The following VSX2 variants were observed in gnomAD, a reference collection of about 807,000 sequenced individuals.
VSX2 encodes the protein visual system homeobox 2.
A neutral mutation model predicts 32.1 loss-of-function variants in VSX2; 28 were observed. That is an observed-to-expected ratio of 0.87 (90% CI 0.65 to 1.20). VSX2 has a LOEUF of 1.20. VSX2 is among the 50% of genes most tolerant of loss of function. VSX2 has a pLI of 0.00. For missense variants in VSX2, 506 were observed against 488.7 expected, an observed-to-expected ratio of 1.04 and a Z score of -0.33; for synonymous variants, 243 against 214.1, an observed-to-expected ratio of 1.14 and a Z score of -1.18.
At chr14:74,248,368 C>CAAAAAT (rs2079208113) in intron 3 of VSX2, among the ~76,000 whole-genome samples, 1 of 102,998 alleles carries the variant, frequency 9.7e-6, no homozygotes, top group African/African-American at 3.3e-5. Context: ...AAACCAAAAA[C>CAAAAAT]GAGACCCTGT....
Position 74,260,644 on chromosome 14 carries a change from G to T in VSX2, c.811G>T (p.Glu271Ter), listed in dbSNP as rs775056066. 6.2e-7 allele frequency: 1 copy of T among 1,606,010 alleles called. No homozygotes were observed. The highest frequency in any genetic ancestry group is 8.5e-7 in the Non-Finnish European group (1 of 1,176,912). The change falls in exon 5 of 5, where the codon GAG (glutamate) becomes TAG (stop). Residue 271 changes from glutamate (E) to a stop codon, truncating the protein, a stop_gained. Transcript: ENST00000261980. LOFTEE classifies it high-confidence loss of function. ...EAAAESGRKP[E>*]GERQALPKLD... is the part of the protein sequence containing the mutation. Reference sequence around the variant, plus strand: ...AGCAGCCGAGTCGGGGAGGAAGCCCGAGGGGGAACGCCAGGCCCTGCCCAA... The same window carrying T: ...AGCAGCCGAGTCGGGGAGGAAGCCCTAGGGGGAACGCCAGGCCCTGCCCAA...
At chr14:74,257,696 G>T (rs1315951645) in intron 3 of VSX2, among the ~76,000 whole-genome samples, 1 of 146,518 alleles carries the variant, frequency 6.8e-6, no homozygotes, top group Non-Finnish European at 1.5e-5. Context: ...GGAACCGCAG[G>T]AGCGCGCGGA....
chr14:74,245,982 G>A (rs571614974), intron 3 of VSX2, among the ~76,000 whole-genome samples: 21 of 152,246 alleles, frequency 1.4e-4, no homozygotes, highest in Non-Finnish European at 3.1e-4. Flanking sequence ...CATGTGGTAG[G>A]CATGGGGCCT....
At chr14:74,248,334 T>TAAA (rs781035795) in intron 3 of VSX2, among the ~76,000 whole-genome samples, 2,017 of 84,414 alleles carry the variant, frequency 0.024, 54 homozygotes, top group East Asian at 0.12. Context: ...GAGACCAGGC[T>TAAA]AAAAAAAAAA....
chr14:74,248,143 C>T (rs1248744730), intron 3 of VSX2, among the ~76,000 whole-genome samples: 1 of 151,962 alleles, frequency 6.6e-6, no homozygotes, highest in Non-Finnish European at 1.5e-5. Context: ...CACTCCTGAG[C>T]CAGCCCCCTC....
chr14:74,251,726 C>T (rs1223451439), intron 3 of VSX2, among the ~76,000 whole-genome samples: 1 of 152,140 alleles, frequency 6.6e-6, no homozygotes, highest in Non-Finnish European at 1.5e-5. Flanking sequence ...TAGTGGGTAA[C>T]AGAGGCTGCA....
intron 3 of VSX2, among the ~76,000 whole-genome samples, chr14:74,246,813 C>A (rs1222421908): frequency 6.6e-6 from 1 of 152,056 alleles, no homozygotes; most frequent in African/African-American, 2.4e-5. Flanking sequence ...GTCCTGAAAT[C>A]TGCTTGGTAG....
chr14:74,247,225 T>C (rs2079198374), intron 3 of VSX2, among the ~76,000 whole-genome samples: 2 of 152,174 alleles, frequency 1.3e-5, no homozygotes, highest in African/African-American at 4.8e-5. Flanking sequence ...TGTGCATCAA[T>C]AGCAGTCACA....
In VSX2 at chr14:74,239,776, G is replaced by T; in HGVS notation, c.215G>T (p.Gly72Val). ...LAARSVLSPA[G>V]VGGMGLLGPG... ...GCGCGCTCAGTGCTCAGCCCCGCGG[G>T]GGTGGGCGGCATGGGGCTTCTGGGG... The change falls in exon 1 of 5, where the codon GGG becomes GTG. Residue 72 changes from glycine (G) to valine (V), a missense_variant. By Grantham distance (109) the Gly-to-Val change is moderately radical. Transcript: ENST00000261980. The T allele has an allele frequency of 1.3e-6, 2 of 1,557,488 alleles. No individual in the cohort carries two copies. The highest frequency in any genetic ancestry group is 1.7e-6 in the Non-Finnish European group (2 of 1,151,668).
chr14:74,252,389 T>C (rs1473670418), intron 3 of VSX2, among the ~76,000 whole-genome samples: 5 of 148,074 alleles, frequency 3.4e-5, no homozygotes, highest in Admixed American at 6.6e-5. Context: ...GGCTTTCTTT[T>C]CTTTCTTTTT....
Position 74,239,488 on chromosome 14 carries a change from C to CGAA in VSX2, c.-72_-70dup. The stretch of plus-strand genomic sequence containing the variant: ...GAGGGGGCACCTGGGACCAACTTCG[C>CGAA]GAAGCGGGAAGCCCGGCGGGGGGGT... On this transcript the variant is annotated 5_prime_UTR_variant, in exon 1 of 5. Transcript: ENST00000261980. 6.5e-7 allele frequency: 1 copy of CGAA among 1,546,216 alleles called. No individual in the cohort carries two copies. The highest frequency in any genetic ancestry group is 2.4e-5 in the East Asian group (1 of 40,896).
At chr14:74,242,343 A>G (rs2079155706) in intron 2 of VSX2, among the ~76,000 whole-genome samples, 1 of 151,900 alleles carries the variant, frequency 6.6e-6, no homozygotes, top group Non-Finnish European at 1.5e-5. Flanking sequence ...CTCCCACCCT[A>G]ATTTGTTTTC....
rs192712847 is a variant in VSX2, at chr14:74,259,772, G to A, written c.750G>A (p.Pro250=). 484 of 1,611,842 alleles carry A rather than the reference G, an allele frequency of 3.0e-4. 2 individuals carry two copies. The East Asian group carries it at 9.6e-3, about 32-fold the overall frequency. The part of the protein sequence containing the change: ...AKDGIMDSCA[P]WLLGMHKKSL... ...ATGGCATCATGGACTCCTGTGCCCC[G>A]TGGCTACTGGGTAAGAGCCCGCACC... Residue 250 remains proline (P), a synonymous_variant, in exon 4 of 5, where the codon CCG becomes CCA. Coordinates refer to ENST00000261980, the MANE Select transcript of VSX2 (RefSeq NM_182894.3).
At chr14:74,241,495 TCTC>T (rs530534842) in intron 2 of VSX2, among the ~76,000 whole-genome samples, 163 of 152,284 alleles carry the variant, frequency 1.1e-3, no homozygotes, top group African/African-American at 3.7e-3. Context: ...GTTCGGGCTT[TCTC>T]CTCCTTGTTC....
At chr14:74,260,357 G>T (rs2079296574) in intron 4 of VSX2, among the ~76,000 whole-genome samples, 1 of 152,212 alleles carries the variant, frequency 6.6e-6, no homozygotes. Flanking sequence ...GGACAGAACA[G>T]GCCACCCGAG....
At chr14:74,258,207 C>T (rs540292147) in intron 3 of VSX2, among the ~76,000 whole-genome samples, 13 of 152,336 alleles carry the variant, frequency 8.5e-5, no homozygotes, top group African/African-American at 1.2e-4. Flanking sequence ...GGGTCAATGC[C>T]GCGGCTCCCG....
rs572797318 is a variant in VSX2, at chr14:74,259,638, C to T, written c.616C>T (p.Arg206Trp). ...GAACCGTCGAGCCAAGTGGAGGAAG[C>T]GGGAGAAGTGCTGGGGCCGGAGCAG... ...FQNRRAKWRK[R>W]EKCWGRSSVM... The change falls in exon 4 of 5, where the codon CGG becomes TGG. Residue 206 changes from arginine to tryptophan, a missense_variant. By Grantham distance (101) the Arg-to-Trp change is moderately radical. Coordinates refer to ENST00000261980, the MANE Select transcript of VSX2 (RefSeq NM_182894.3). 8.1e-6 allele frequency: 13 copies of T among 1,614,184 alleles called. No individual in the cohort carries two copies. The highest frequency in any genetic ancestry group is 1.7e-5 in the Admixed American group (1 of 60,028).
chr14:74,240,587 G>C (rs990732772), intron 1 of VSX2, among the ~76,000 whole-genome samples: 2 of 152,122 alleles, frequency 1.3e-5, no homozygotes, highest in Admixed American at 6.5e-5. Context: ...GTCGCGGCCC[G>C]CTCGAACCTC....
At chr14:74,255,603 G>A (rs1374465673) in intron 3 of VSX2, among the ~76,000 whole-genome samples, 1 of 152,164 alleles carries the variant, frequency 6.6e-6, no homozygotes, top group African/African-American at 2.4e-5. Flanking sequence ...ATAGGCCCCA[G>A]AGATGATCAG....
Sources: allele counts gnomAD v4.1 joint callset (sites outside exome capture counted in the v4.1 genomes callset), GRCh38; gene constraint gnomAD v4.1.1; transcripts MANE v1.5; gene names NCBI Gene and HGNC (gene_info 2026-07-23, HGNC 2026-07-21).